Variants in GABRB2 observed in about 807,000 individuals in gnomAD.
GABRB2 encodes gamma-aminobutyric acid type A receptor subunit beta2.
In GABRB2, 16 loss-of-function variants were observed where a neutral mutation model predicts 54.7. That is an observed-to-expected ratio of 0.29 (90% CI 0.20 to 0.44). The LOEUF is 0.44. Among genes scored for constraint, GABRB2 ranks in the 20% least tolerant of loss-of-function variants. The pLI is 1.00. For synonymous variants in GABRB2, 244 were observed against 233.8 expected (o/e 1.04, Z -0.40); for missense variants, 355 against 644.0 (o/e 0.55, Z 4.86).
intron 3 of GABRB2, among the ~76,000 whole-genome samples, chr5:161,503,131 G>GTT (rs776878913): frequency 2.7e-5 from 4 of 147,028 alleles, no homozygotes; most frequent in African/African-American, 2.5e-5. Flanking sequence ...TGTTGTTATT[G>GTT]TTTTTTTTTT....
rs77533181 is a variant in GABRB2, at chr5:161,306,567, T to A, written c.1192-12139A>T. ...AACAGAGAAGCAGCAGCCTTCTTTT[T>A]CATAGGTGTGTGGGGAACACAGCCA... On this transcript the variant is annotated intron_variant, in intron 9 of 9. Coordinates refer to ENST00000393959, the MANE Select transcript of GABRB2 (RefSeq NM_001371727.1). 1.4e-3 allele frequency among the ~76,000 whole-genome samples: 211 copies of A among 152,234 alleles called. 6 individuals carry two copies. In the East Asian group the frequency reaches 0.039, roughly 28 times the overall value.
At chr5:161,433,535 G>T (rs1757229056) in intron 4 of GABRB2, among the ~76,000 whole-genome samples, 1 of 151,912 alleles carries the variant, frequency 6.6e-6, no homozygotes, top group South Asian at 2.1e-4. Flanking sequence ...CTTTGGGCTG[G>T]GGAGGTTGAG....
intron 8 of GABRB2, 75 bp from the exon 9 acceptor site, chr5:161,326,556 T>C (rs1758369810): frequency 2.0e-6 from 3 of 1,500,440 alleles, no homozygotes; most frequent in Non-Finnish European, 2.7e-6. Context: ...TTAAAGTAAA[T>C]TGGATATAGA....
chr5:161,387,984 TA>T (rs541121942), intron 5 of GABRB2, among the ~76,000 whole-genome samples: 74 of 151,134 alleles, frequency 4.9e-4, no homozygotes, highest in African/African-American at 1.6e-3. Flanking sequence ...AAAGACAAAG[TA>T]AAAAAAAATG....
intron 3 of GABRB2, among the ~76,000 whole-genome samples, chr5:161,540,829 T>C (rs1016114787): frequency 8.5e-5 from 13 of 152,052 alleles, no homozygotes; most frequent in African/African-American, 3.1e-4. Flanking sequence ...TGTTTTCTAA[T>C]TGTAATCTCA....
intron 9 of GABRB2, among the ~76,000 whole-genome samples, chr5:161,296,260 A>G (rs1757378204): frequency 6.6e-6 from 1 of 152,174 alleles, no homozygotes; most frequent in East Asian, 1.9e-4. Context: ...TTTCAACAGC[A>G]TGGTTGTTTT....
intron 5 of GABRB2, among the ~76,000 whole-genome samples, chr5:161,347,958 A>C (rs988904023): frequency 1.3e-5 from 2 of 152,106 alleles, no homozygotes; most frequent in African/African-American, 4.8e-5. Flanking sequence ...GATTTTATGA[A>C]TATTATAGGT....
chr5:161,333,295 T>C (rs1394109667), intron 7 of GABRB2, among the ~76,000 whole-genome samples: 3 of 152,176 alleles, frequency 2.0e-5, no homozygotes, highest in African/African-American at 7.2e-5. Flanking sequence ...TAAAACTAGA[T>C]ATGGACCTTT....
intron 5 of GABRB2, 53 bp downstream of exon 5, chr5:161,410,922 C>T (rs1025516450): frequency 2.3e-5 from 32 of 1,401,592 alleles, no homozygotes; most frequent in East Asian, 4.6e-5. Flanking sequence ...GAGGCCTCTG[C>T]GTAAGAACCT....
At chr5:161,434,214 T>C (rs1757250401) in intron 4 of GABRB2, among the ~76,000 whole-genome samples, 1 of 152,184 alleles carries the variant, frequency 6.6e-6, no homozygotes, top group African/African-American at 2.4e-5. Flanking sequence ...ACATTTATTA[T>C]TCTATCAACT....
intron 5 of GABRB2, among the ~76,000 whole-genome samples, chr5:161,378,909 C>A (rs943252579): frequency 5.3e-5 from 8 of 152,138 alleles, no homozygotes; most frequent in African/African-American, 1.9e-4. Flanking sequence ...CAAAGGAGCA[C>A]CTGCACACAA....
intron 3 of GABRB2, among the ~76,000 whole-genome samples, chr5:161,492,564 T>TTGTGTGTGTG (rs111553488): frequency 2.0e-5 from 3 of 149,320 alleles, no homozygotes; most frequent in Non-Finnish European, 3.0e-5. Context: ...TTGTTGTAAT[T>TTGTGTGTGTG]TGTGTGTGTG....
At chr5:161,386,890 G>A (rs1285621070) in intron 5 of GABRB2, among the ~76,000 whole-genome samples, 3 of 151,462 alleles carry the variant, frequency 2.0e-5, no homozygotes. Context: ...AAACCTAGAA[G>A]TCAGAAGGCA....
chr5:161,504,310 T>C (rs909843722), intron 3 of GABRB2, among the ~76,000 whole-genome samples: 4 of 152,196 alleles, frequency 2.6e-5, no homozygotes, highest in Non-Finnish European at 5.9e-5. Flanking sequence ...GGATATTCAA[T>C]GAGTCTTAAT....
chr5:161,455,994 A>G (rs1757943336), intron 4 of GABRB2, among the ~76,000 whole-genome samples: 1 of 152,218 alleles, frequency 6.6e-6, no homozygotes, highest in Non-Finnish European at 1.5e-5. Context: ...TATGAAAGAA[A>G]CTTACTCAGA....
At chr5:161,501,629 A>G (rs1034717764) in intron 3 of GABRB2, among the ~76,000 whole-genome samples, 1 of 152,132 alleles carries the variant, frequency 6.6e-6, no homozygotes, top group Non-Finnish European at 1.5e-5. Context: ...TTTTCCAAGG[A>G]TAATTTGGCA....
intron 9 of GABRB2, among the ~76,000 whole-genome samples, chr5:161,325,434 G>A (rs1208778363): frequency 6.6e-6 from 1 of 152,018 alleles, no homozygotes; most frequent in African/African-American, 2.4e-5. Flanking sequence ...GCACAAAGGA[G>A]CAATTCAGTA....
intron 5 of GABRB2, among the ~76,000 whole-genome samples, chr5:161,349,007 C>A (rs1488725015): frequency 1.3e-5 from 2 of 152,022 alleles, no homozygotes; most frequent in Non-Finnish European, 2.9e-5. Flanking sequence ...TCATATGCCC[C>A]TTAAATATCT....
chr5:161,394,643 G>A (rs7722845), intron 5 of GABRB2, among the ~76,000 whole-genome samples: 3,656 of 152,118 alleles, frequency 0.024, 147 homozygotes, highest in African/African-American at 0.082. Context: ...AACTAAATAT[G>A]ACATACGAAG....
Sources: allele counts gnomAD v4.1 joint callset (sites outside exome capture counted in the v4.1 genomes callset), GRCh38; gene constraint gnomAD v4.1.1; transcripts MANE v1.5; gene names NCBI Gene and HGNC (gene_info 2026-07-23, HGNC 2026-07-21).